Variants in INTS13 observed in about 807,000 individuals in gnomAD.
INTS13 encodes asunder, spermatogenesis regulator homolog (Drosphila).
A neutral mutation model predicts 90.2 loss-of-function variants in INTS13; 35 were observed. The observed-to-expected ratio is 0.39, with a 90% CI of 0.30 to 0.51. The LOEUF (loss-of-function observed/expected upper bound fraction) is 0.51. Ranked by LOEUF, INTS13 falls within the 20% of genes least tolerant of loss-of-function variation. The pLI, the probability that INTS13 is intolerant of heterozygous loss-of-function variation, is 0.80. For synonymous variants in INTS13, 309 were observed against 277.1 expected (o/e 1.11, Z -1.14); for missense variants, 601 against 851.2 (o/e 0.71, Z 3.66).
At chr12:26,916,396 T>C (rs1423530899) in intron 10 of INTS13, among the ~76,000 whole-genome samples, 1 of 152,234 alleles carries the variant, frequency 6.6e-6, no homozygotes, top group Non-Finnish European at 1.5e-5. Flanking sequence ...TTAATACAGT[T>C]TCTCACAACA....
In INTS13 at chr12:26,925,791, G is replaced by T. The variant is rs1310775122; in HGVS notation, c.645C>A (p.Asp215Glu). The T allele has an allele frequency of 6.2e-7, 1 of 1,612,554 alleles. No individual in the cohort carries two copies. Among genetic ancestry groups the T allele is most frequent in the Non-Finnish European group, 8.5e-7 (1 of 1,179,170 alleles). Reference sequence around the variant, plus strand: ...TTTTAGAACGATCAGATACAAGGCTGTCTTCACCAACTGGGTAGGTGTGGA... The same window carrying T: ...TTTTAGAACGATCAGATACAAGGCTTTCTTCACCAACTGGGTAGGTGTGGA... ...VLIHTYPVGE[D>E]SLVSDRSKKE... Residue 215 changes from aspartate (D) to glutamate (E), a missense_variant, in exon 6 of 17, where the codon GAC becomes GAA. Around this residue, in one of 3 missense-constraint regions of INTS13, gnomAD observed 284 missense variants for 387.7 expected, o/e 0.73. Coordinates refer to ENST00000261191, the MANE Select transcript of INTS13 (RefSeq NM_018164.3).
intron 8 of INTS13, among the ~76,000 whole-genome samples, chr12:26,922,351 A>C (rs1437604024): frequency 2.0e-5 from 3 of 152,132 alleles, no homozygotes; most frequent in Non-Finnish European, 4.4e-5. Context: ...CATTCATATA[A>C]CTTTCATTAT....
chr12:26,934,576 C>T lies in INTS13; in HGVS notation c.280G>A (p.Glu94Lys). 2 of 1,613,422 alleles carry T rather than the reference C, an allele frequency of 1.2e-6. No individual in the cohort carries two copies. Among genetic ancestry groups the T allele is most frequent in the Non-Finnish European group, 1.7e-6 (2 of 1,179,460 alleles). ...GAHVLNSWTQEDQNLQELMAA... is the reference protein window; with the variant it reads ...GAHVLNSWTQKDQNLQELMAA... ...CATACCTCCTGTAAATTTTGGTCTT[C>T]TTGAGTCCAAGAATTTAAAACATGT... The change falls in exon 3 of 17, where the codon GAA (glutamate) becomes AAA (lysine). Residue 94 changes from glutamate to lysine, a missense_variant. Around this residue, in one of 3 missense-constraint regions of INTS13, gnomAD observed 284 missense variants for 387.7 expected, o/e 0.73. Transcript: ENST00000261191.
intron 4 of INTS13, 148 bp downstream of exon 4, chr12:26,928,555 A>C: frequency 6.0e-6 from 1 of 166,608 alleles, no homozygotes; most frequent in South Asian, 1.8e-4. Flanking sequence ...ATTAAAAGGC[A>C]AAAAAAAAAA....
chr12:26,919,027 T>A, intron 8 of INTS13: 1 of 397,750 alleles, frequency 2.5e-6, no homozygotes, highest in East Asian at 7.7e-5. Context: ...TTAGCCAGGC[T>A]TCGTGGTATG....
chr12:26,910,899 G>T (rs987834027), intron 15 of INTS13, among the ~76,000 whole-genome samples: 1 of 151,922 alleles, frequency 6.6e-6, no homozygotes, highest in Admixed American at 6.6e-5. Flanking sequence ...GCAATGGTGC[G>T]ATCTTGGCTC....
intron 8 of INTS13, among the ~76,000 whole-genome samples, chr12:26,922,209 G>A (rs1952140745): frequency 6.6e-6 from 1 of 152,162 alleles, no homozygotes; most frequent in African/African-American, 2.4e-5. Flanking sequence ...CTAATGCTAT[G>A]TCACAATACC....
chr12:26,934,751 A>G, intron 2 of INTS13, 121 bp from the exon 3 acceptor site: 1 of 808,382 alleles, frequency 1.2e-6, no homozygotes, highest in Non-Finnish European at 2.1e-6. Flanking sequence ...TTCTTTTTAT[A>G]GTTACAGAAT....
intron 3 of INTS13, among the ~76,000 whole-genome samples, chr12:26,933,110 A>G (rs1438599028): frequency 6.6e-6 from 1 of 152,240 alleles, no homozygotes; most frequent in Non-Finnish European, 1.5e-5. Flanking sequence ...AGTATAAGTC[A>G]AAGTTCTTGG....
At chr12:26,931,625 T>C (rs1050636918) in intron 3 of INTS13, among the ~76,000 whole-genome samples, 1 of 152,226 alleles carries the variant, frequency 6.6e-6, no homozygotes, top group Admixed American at 6.5e-5. Context: ...GGGAAGGACC[T>C]TGTAGACTGA....
intron 8 of INTS13, 31 bp downstream of exon 8, chr12:26,922,585 A>ATACAAAATAATACTTTCAAATGTCTCT: frequency 6.6e-7 from 1 of 1,509,780 alleles, no homozygotes; most frequent in East Asian, 2.3e-5. Flanking sequence ...ATGTTAGATC[A>ATACAAAATAATACTTTCAAATGTCTCT]TACAAAATAA....
rs1482291797 is a variant in INTS13 at position 26,906,389 on chromosome 12, T to G, written c.1994A>C (p.Asn665Thr). The G allele has an allele frequency of 6.2e-7, 1 of 1,613,020 alleles. No individual in the cohort carries two copies. Among genetic ancestry groups the G allele is most frequent in the African/African-American group, 1.3e-5 (1 of 74,876 alleles). ...AGCAAATTCCTGATGTTTTCTGGAA[T>G]TGGCAGTATTGATTCTATTACTCCA... ...SLWSNRINTA[N>T]SRKHQEFAGR... The change falls in exon 16 of 17, where the codon AAT (asparagine) becomes ACT (threonine). Residue 665 changes from asparagine to threonine, a missense_variant. Physicochemically the swap from Asn to Thr is moderately conservative, Grantham distance 65 (BLOSUM62 0). This residue lies in a region of INTS13 where 228 missense variants were observed against 272.5 expected (regional missense o/e 0.84). Transcript: ENST00000261191.
upstream of INTS13, chr12:26,938,179 A>C (rs1221171336): frequency 6.6e-6 from 1 of 152,240 alleles, no homozygotes; most frequent in African/African-American, 2.4e-5. Context: ...TTTCCCAGTC[A>C]CCCATTGGGA....
chr12:26,919,990 TG>T (rs967243345), intron 8 of INTS13, among the ~76,000 whole-genome samples: 16 of 152,030 alleles, frequency 1.1e-4, no homozygotes, highest in Non-Finnish European at 2.1e-4. Context: ...TAGCCAGGCA[TG>T]GTGGTGGACA....
At chr12:26,925,727 C>T (rs931923703) in intron 6 of INTS13, 34 bp downstream of exon 6, 11 of 1,483,998 alleles carry the variant, frequency 7.4e-6, no homozygotes, top group Non-Finnish European at 1.0e-5. Context: ...TTATTAACCA[C>T]AATAGTCTTT....
At chr12:26,906,254 C>T in intron 16 of INTS13, 48 bp downstream of exon 16, 1 of 1,528,866 alleles carries the variant, frequency 6.5e-7, no homozygotes, top group Non-Finnish European at 8.9e-7. Flanking sequence ...TGTTAAGGTA[C>T]TATACAGGCA....
chr12:26,935,115 G>C (rs1174120123), intron 2 of INTS13, among the ~76,000 whole-genome samples: 1 of 152,204 alleles, frequency 6.6e-6, no homozygotes, highest in Non-Finnish European at 1.5e-5. Flanking sequence ...CCTGGAAAGG[G>C]TGAAAGTCAG....
intron 4 of INTS13, 149 bp downstream of exon 4, chr12:26,928,554 C>CAAAAAAAAAAAAAAGAA: frequency 2.1e-6 from 1 of 482,330 alleles, no homozygotes; most frequent in Non-Finnish European, 3.2e-6. Flanking sequence ...TATTAAAAGG[C>CAAAAAAAAAAAAAAGAA]AAAAAAAAAA....
chr12:26,914,974 C>G (rs1024315010), intron 11 of INTS13, among the ~76,000 whole-genome samples: 3 of 152,140 alleles, frequency 2.0e-5, no homozygotes, highest in Admixed American at 6.5e-5. Flanking sequence ...CACCTGTAAT[C>G]CCAACACTTC....
Sources: allele counts gnomAD v4.1 joint callset (sites outside exome capture counted in the v4.1 genomes callset), GRCh38; gene constraint gnomAD v4.1.1; regional missense constraint gnomAD v4.1.1; transcripts MANE v1.5; gene names NCBI Gene and HGNC (gene_info 2026-07-23, HGNC 2026-07-21).